The following FAIM variants were observed in gnomAD, a reference collection of about 807,000 sequenced individuals.
FAIM encodes the protein fas apoptotic inhibitory molecule 1.
Under a neutral mutation model 21.2 loss-of-function variants are expected in FAIM, and 14 were observed. That is an observed-to-expected ratio of 0.66 (90% CI 0.44 to 1.03). The LOEUF (loss-of-function observed/expected upper bound fraction) is 1.03, where lower values mean the gene tolerates loss of function less well. Ranked by LOEUF, FAIM falls within the 50% of genes least tolerant of loss-of-function variation. The pLI is 0.00. For missense variants in FAIM, 222 were observed against 247.1 expected (o/e 0.90, Z 0.68); for synonymous variants, 86 against 80.4 (o/e 1.07, Z -0.37).
rs183886148 is a variant in FAIM, at chr3:138,622,323, G to A, written c.313G>A (p.Gly105Arg). ...TTATGAATATACTCTGGAAATTAATGGGAAAAGTCTCAAGAAGTATATGGA... is the reference window on the plus strand; with the variant it reads ...TTATGAATATACTCTGGAAATTAATAGGAAAAGTCTCAAGAAGTATATGGA... ...FAYEYTLEINGKSLKKYMEDR... is the reference protein window; with the variant it reads ...FAYEYTLEINRKSLKKYMEDR... Residue 105 changes from glycine (G) to arginine (R), a missense_variant, in exon 4 of 6, where the codon GGG becomes AGG. Transcript: ENST00000360570. The A allele has an allele frequency of 5.6e-6, 9 of 1,613,924 alleles. No individual in the cohort carries two copies. The East Asian group carries it at 2.0e-4, about 36-fold the overall frequency.
At chr3:138,628,735 A>G (rs1333214896) in intron 4 of FAIM, among the ~76,000 whole-genome samples, 8 of 152,068 alleles carry the variant, frequency 5.3e-5, no homozygotes, top group East Asian at 1.9e-4. Context: ...CGCCTGCCTC[A>G]GTCTCCCAAA....
chr3:138,611,512 C>G (rs958548553), intron 1 of FAIM, among the ~76,000 whole-genome samples: 2 of 152,142 alleles, frequency 1.3e-5, no homozygotes, highest in Admixed American at 6.5e-5. Flanking sequence ...ATACCTTAAA[C>G]AGAAACACAG....
Position 138,629,099 on chromosome 3 carries a change from C to T in FAIM, c.407-8C>T. 3.8e-6 allele frequency: 6 copies of T among 1,595,992 alleles called. No individual in the cohort carries two copies. The highest frequency in any genetic ancestry group is 5.1e-6 in the Non-Finnish European group (6 of 1,171,572). On this transcript the variant is annotated splice_polypyrimidine_tract_variant and splice_region_variant and intron_variant, in intron 4 of 5. Coordinates refer to ENST00000360570, the MANE Select transcript of FAIM (RefSeq NM_001033031.2). ...TTATAACTTAAAGTTTTTATGTTACCTTTACAGAAAAAGATGCTATGGACG... is the reference window on the plus strand; with the variant it reads ...TTATAACTTAAAGTTTTTATGTTACTTTTACAGAAAAAGATGCTATGGACG...
At chr3:138,624,690 T>C (rs1479249381) in intron 4 of FAIM, among the ~76,000 whole-genome samples, 1 of 152,350 alleles carries the variant, frequency 6.6e-6, no homozygotes, top group South Asian at 2.1e-4. Flanking sequence ...TTATGAAGAA[T>C]GCAGGCTCCA....
rs538133886 is a variant in FAIM at position 138,612,164 on chromosome 3, G to A, written c.-17+3227G>A. Among the ~76,000 whole-genome samples the A allele has an allele frequency of 6.7e-3, 953 of 141,344 alleles. 11 individuals are homozygous for A. Among genetic ancestry groups the A allele is most frequent in the African/African-American group, 0.023 (891 of 38,202 alleles). The allele number at this position is 141,344 out of a possible 152,430, so 92.7% of individuals were successfully genotyped here. On this transcript the variant is annotated intron_variant, in intron 1 of 5. Transcript: ENST00000360570. ...CACCCAGGCTGGAGTGCAGTGGTGC[G>A]ATCTCAGCTCACTGCAAGCTCCGCC...
chr3:138,617,245 C>T (rs1403025413), intron 1 of FAIM, among the ~76,000 whole-genome samples: 1 of 151,406 alleles, frequency 6.6e-6, no homozygotes, highest in African/African-American at 2.4e-5. Context: ...TGAATACCTA[C>T]ATTACTGAAC....
intron 1 of FAIM, among the ~76,000 whole-genome samples, chr3:138,609,590 TCGACTCTCTCTCTCTCTCTCTCGA>T (rs2042741725): frequency 6.7e-4 from 13 of 19,286 alleles, no homozygotes; most frequent in Admixed American, 2.0e-3. Flanking sequence ...TCTCTCTCTC[TCGACTCTCTCTCTCTCTCTCTCGA>T]CTCTCTCTCT....
intron 1 of FAIM, among the ~76,000 whole-genome samples, chr3:138,610,246 G>A (rs1339685040): frequency 6.6e-6 from 1 of 152,210 alleles, no homozygotes. Context: ...TGGATTAGAT[G>A]AACAGTGGCA....
At chr3:138,615,926 G>A (rs913016817) in intron 1 of FAIM, among the ~76,000 whole-genome samples, 1 of 152,200 alleles carries the variant, frequency 6.6e-6, no homozygotes, top group Non-Finnish European at 1.5e-5. Flanking sequence ...AGGCAGAGTT[G>A]ATTTTGGACA....
At chr3:138,630,818 A>G (rs2042997235) in intron 5 of FAIM, 1 of 152,116 alleles carries the variant, frequency 6.6e-6, no homozygotes, top group South Asian at 2.1e-4. Flanking sequence ...GTGCACATGT[A>G]AAGAGAATGC....
At chr3:138,616,897 AG>A (rs2042831028) in intron 1 of FAIM, among the ~76,000 whole-genome samples, 1 of 152,226 alleles carries the variant, frequency 6.6e-6, no homozygotes, top group African/African-American at 2.4e-5. Flanking sequence ...AAGTAGAATT[AG>A]AATGCTTCAA....
intron 1 of FAIM, among the ~76,000 whole-genome samples, chr3:138,609,533 ACTCTCTCTCTCTCTCTCTCT>A (rs1286573079): frequency 3.0e-4 from 1 of 3,366 alleles, no homozygotes; most frequent in African/African-American, 9.4e-4. Context: ...AAGTGCTGAA[ACTCTCTCTCTCTCTCTCTCT>A]CTCTCTCTCT....
chr3:138,632,564 C>T (rs147951332), intron 5 of FAIM, among the ~76,000 whole-genome samples: 141 of 152,242 alleles, frequency 9.3e-4, no homozygotes, highest in African/African-American at 3.3e-3. Context: ...GTGGCTCACA[C>T]CTGTAATCCC....
chr3:138,629,738 A>G (rs2042983301), intron 5 of FAIM: 1 of 152,062 alleles, frequency 6.6e-6, no homozygotes, highest in Non-Finnish European at 1.5e-5. Flanking sequence ...AGGAAAGGGC[A>G]CTCTCACGAA....
rs534509724 is a variant in FAIM, at chr3:138,612,722, G to A, written c.-17+3785G>A. 5.3e-5 allele frequency among the ~76,000 whole-genome samples: 8 copies of A among 152,272 alleles called. No individual in the cohort carries two copies. In the East Asian group the frequency reaches 1.5e-3, roughly 29 times the overall value. ...AGCAGCAGAATTGCTAGGTCATATA[G>A]TAATTCTCTGTTTAGGTTTTGAGGA... On this transcript the variant is annotated intron_variant, in intron 1 of 5. Coordinates refer to ENST00000360570, the MANE Select transcript of FAIM (RefSeq NM_001033031.2).
intron 1 of FAIM, among the ~76,000 whole-genome samples, chr3:138,616,966 T>A (rs2042831746): frequency 6.6e-6 from 1 of 152,182 alleles, no homozygotes; most frequent in African/African-American, 2.4e-5. Context: ...TCCTCTCCTG[T>A]CATGTACACT....
At chr3:138,624,044 T>A (rs1481717371) in intron 4 of FAIM, among the ~76,000 whole-genome samples, 2 of 152,186 alleles carry the variant, frequency 1.3e-5, no homozygotes, top group African/African-American at 4.8e-5. Context: ...TTTTTTTCTT[T>A]CCAGAAGGTT....
At chr3:138,622,604 G>T (rs1247844331) in intron 4 of FAIM, among the ~76,000 whole-genome samples, 188 bp downstream of exon 4, 1 of 152,048 alleles carries the variant, frequency 6.6e-6, no homozygotes, top group Admixed American at 6.6e-5. Context: ...TGTCTAGCAG[G>T]TGTGTATATT....
chr3:138,628,069 G>C (rs1355355953), intron 4 of FAIM, among the ~76,000 whole-genome samples: 1 of 152,124 alleles, frequency 6.6e-6, no homozygotes, highest in Non-Finnish European at 1.5e-5. Context: ...ACATTTGCAA[G>C]GGGCTCTGGG....
Sources: gnomAD v4.1 joint callset for allele counts (sites outside exome capture counted in the v4.1 genomes callset) on GRCh38, gnomAD v4.1.1 for gene constraint, MANE v1.5 for transcripts, NCBI Gene and HGNC (gene_info 2026-07-23, HGNC 2026-07-21) for gene names.